RORA: variants seen among roughly 807,000 people sequenced by gnomAD.
RORA encodes nuclear receptor ROR-alpha.
In RORA, 7 loss-of-function variants were observed where a neutral mutation model predicts 69.5. The observed-to-expected ratio is 0.10, with a 90% CI of 0.06 to 0.19. The LOEUF (loss-of-function observed/expected upper bound fraction) is 0.19, where lower values mean the gene tolerates loss of function less well. Ranked by LOEUF, RORA falls within the 10% of genes least tolerant of loss-of-function variation. The pLI is 1.00. For synonymous variants in RORA, 261 were observed against 240.8 expected, an observed-to-expected ratio of 1.08 and a Z score of -0.78; for missense variants, 457 against 663.0, an observed-to-expected ratio of 0.69 and a Z score of 3.41.
At chr15:61,144,010 C>T (rs190189890) in intron 1 of RORA, among the ~76,000 whole-genome samples, 7 of 152,286 alleles carry the variant, frequency 4.6e-5, no homozygotes, top group African/African-American at 1.7e-4. Context: ...GTATCTGCAA[C>T]TAATATGTTA....
In RORA at chr15:61,061,542, G is replaced by A. The variant is rs979361398; in HGVS notation, c.166+167511C>T. Among the ~76,000 whole-genome samples the A allele has an allele frequency of 6.6e-6, 1 of 152,072 alleles. No individual in the cohort carries two copies. The highest frequency in any genetic ancestry group is 1.5e-5 in the Non-Finnish European group (1 of 67,996). ...TTCTGACCTCGCCCCTCATTCTAAA[G>A]TGTAATTCCCAGATTTTCAGTAACT... On this transcript the variant is annotated intron_variant, in intron 1 of 10. Coordinates refer to ENST00000335670, the MANE Select transcript of RORA (RefSeq NM_134261.3). This position sits in a 1 kb window ranked among gnomAD's most constrained non-coding sequence, Gnocchi z 4.4.
intron 1 of RORA, among the ~76,000 whole-genome samples, chr15:61,184,692 G>A (rs995420855): frequency 6.6e-6 from 1 of 152,102 alleles, no homozygotes; most frequent in African/African-American, 2.4e-5. Flanking sequence ...AGGACTGTTA[G>A]GAGACTGTTA....
intron 1 of RORA, among the ~76,000 whole-genome samples, chr15:60,954,088 T>G (rs1378917244): frequency 2.0e-5 from 3 of 149,136 alleles, no homozygotes; most frequent in Non-Finnish European, 3.0e-5. Flanking sequence ...GTGGCACATA[T>G]ACACCATGGA....
chr15:60,942,996 A>G (rs1270888621), intron 1 of RORA, among the ~76,000 whole-genome samples: 11 of 152,266 alleles, frequency 7.2e-5, no homozygotes, highest in African/African-American at 2.7e-4. Flanking sequence ...AGAATGGTTG[A>G]ATAACAACTT....
At chr15:60,767,679 T>C (rs2072011237) in intron 1 of RORA, among the ~76,000 whole-genome samples, 1 of 152,208 alleles carries the variant, frequency 6.6e-6, no homozygotes, top group South Asian at 2.1e-4. Flanking sequence ...GTATTCTTGG[T>C]CATTTGATCA....
At chr15:60,783,830 G>C (rs1439754548) in intron 1 of RORA, among the ~76,000 whole-genome samples, 2 of 152,232 alleles carry the variant, frequency 1.3e-5, no homozygotes, top group Non-Finnish European at 2.9e-5. Flanking sequence ...GAACCTTTCA[G>C]ATCAACAACC....
intron 1 of RORA, among the ~76,000 whole-genome samples, chr15:61,155,918 C>T (rs147818812): frequency 7.4e-4 from 112 of 152,250 alleles, no homozygotes; most frequent in African/African-American, 2.6e-3. Context: ...AATGCACACA[C>T]GGGCACTCTG....
intron 1 of RORA, among the ~76,000 whole-genome samples, chr15:61,091,534 G>C (rs1368092109): frequency 6.6e-6 from 1 of 152,178 alleles, no homozygotes; most frequent in African/African-American, 2.4e-5. Context: ...TCAGCTGTGG[G>C]GCTCCGGCAG....
At chr15:61,105,791 C>G (rs1223267884) in intron 1 of RORA, among the ~76,000 whole-genome samples, 5 of 152,166 alleles carry the variant, frequency 3.3e-5, no homozygotes, top group Non-Finnish European at 7.4e-5. Flanking sequence ...TTTAAAAGAA[C>G]AAAAGTGATA....
chr15:60,689,595 T>A (rs997330234), intron 1 of RORA, among the ~76,000 whole-genome samples: 1 of 152,184 alleles, frequency 6.6e-6, no homozygotes, highest in Non-Finnish European at 1.5e-5. Context: ...GGAAATCATA[T>A]CTTTATAGAT....
chr15:61,120,774 C>T (rs543107054), intron 1 of RORA, among the ~76,000 whole-genome samples: 1 of 150,736 alleles, frequency 6.6e-6, no homozygotes, highest in East Asian at 1.9e-4. Flanking sequence ...GCCTTAGATT[C>T]CACTATATAC....
chr15:60,944,569 G>T (rs530023374), intron 1 of RORA, among the ~76,000 whole-genome samples: 3 of 151,354 alleles, frequency 2.0e-5, no homozygotes, highest in Non-Finnish European at 4.4e-5. Flanking sequence ...ATACAAAAAA[G>T]AAAAAAATGG....
chr15:60,755,805 CCT>C (rs1488972005), intron 1 of RORA, among the ~76,000 whole-genome samples: 1 of 152,124 alleles, frequency 6.6e-6, no homozygotes, highest in African/African-American at 2.4e-5. Context: ...CTGTTTGTTC[CCT>C]CTCTTGTTCT....
chr15:60,787,857 A>G lies in RORA; in HGVS notation c.167-109171T>C, dbSNP rs115247818. Among the ~76,000 whole-genome samples, 216 of 152,270 alleles carry G rather than the reference A, an allele frequency of 1.4e-3. 1 individual carries two copies. Among genetic ancestry groups the G allele is most frequent in the African/African-American group, 5.0e-3 (209 of 41,556 alleles). ...AGTGGAAGTTCATCAGGCATCAGAA[A>G]AACCATTCATTCATGTATTAACATT... On this transcript the variant is annotated intron_variant, in intron 1 of 10. Transcript: ENST00000335670.
chr15:61,224,275 CAATG>C (rs2080125918), intron 1 of RORA, among the ~76,000 whole-genome samples: 1 of 152,160 alleles, frequency 6.6e-6, no homozygotes, highest in African/African-American at 2.4e-5. Flanking sequence ...TCATGGGAGA[CAATG>C]AATGTGAACA....
intron 2 of RORA, among the ~76,000 whole-genome samples, chr15:60,597,140 A>G (rs1032529698): frequency 1.8e-4 from 27 of 152,178 alleles, no homozygotes; most frequent in African/African-American, 6.0e-4. Flanking sequence ...CTAACAGTTG[A>G]TAGATGACTG....
chr15:61,130,497 T>C (rs2079180921), intron 1 of RORA, among the ~76,000 whole-genome samples: 1 of 152,216 alleles, frequency 6.6e-6, no homozygotes. Context: ...GTGTGAGATG[T>C]TTTGGCAGGA....
In RORA at chr15:60,550,534, A is replaced by G. The variant is rs117163935; in HGVS notation, c.197-18683T>C. Among the ~76,000 whole-genome samples the G allele has an allele frequency of 9.2e-4, 140 of 152,364 alleles. 1 individual carries two copies. The East Asian group carries it at 0.024, about 26-fold the overall frequency. Reference sequence around the variant, plus strand: ...TTTAAAAAATATCAATGAAAGTGTTACCAGTTTTCAATCCTCCTCACTTGG... The same window carrying G: ...TTTAAAAAATATCAATGAAAGTGTTGCCAGTTTTCAATCCTCCTCACTTGG... On this transcript the variant is annotated intron_variant, in intron 2 of 10. Transcript: ENST00000335670.
chr15:61,227,583 G>C (rs1258561673), intron 1 of RORA, among the ~76,000 whole-genome samples: 1 of 152,058 alleles, frequency 6.6e-6, no homozygotes, highest in Non-Finnish European at 1.5e-5. Context: ...AAGGTGGGGG[G>C]GGGGATACTG....
Sources: gnomAD v4.1 joint callset for allele counts (sites outside exome capture counted in the v4.1 genomes callset) on GRCh38, gnomAD v4.1.1 for gene constraint, Gnocchi (gnomAD v3.1) non-coding constraint, MANE v1.5 for transcripts, NCBI Gene and HGNC (gene_info 2026-07-23, HGNC 2026-07-21) for gene names.